Variants in PPP1R42 observed in about 807,000 individuals in gnomAD.
The protein encoded by PPP1R42 is leucine rich repeat containing 67.
A neutral mutation model predicts 31.0 loss-of-function variants in PPP1R42; 34 were observed. The ratio of observed to expected loss-of-function variants is 1.10; its 90% CI spans 0.83 to 1.46. PPP1R42 has a LOEUF of 1.46. Ranked by LOEUF, PPP1R42 falls within the 40% of genes most tolerant of loss-of-function variation. The pLI, the probability that PPP1R42 is intolerant of heterozygous loss-of-function variation, is 0.00. For missense variants in PPP1R42, 268 were observed against 303.0 expected, an observed-to-expected ratio of 0.88 and a Z score of 0.86; for synonymous variants, 103 against 109.8, an observed-to-expected ratio of 0.94 and a Z score of 0.39.
intron 5 of PPP1R42, among the ~76,000 whole-genome samples, chr8:66,992,525 CAG>C (rs1815217707): frequency 6.6e-6 from 1 of 152,330 alleles, no homozygotes; most frequent in African/African-American, 2.4e-5. Flanking sequence ...AGCACGTTTC[CAG>C]AGAGCGAGAG....
chr8:66,983,071 C>T (rs1035656409), intron 6 of PPP1R42, among the ~76,000 whole-genome samples: 11 of 151,702 alleles, frequency 7.3e-5, no homozygotes, highest in East Asian at 1.9e-4. Flanking sequence ...ATAGAAATTG[C>T]GCTTCATAAA....
chr8:66,981,938 A>C, intron 7 of PPP1R42, 111 bp downstream of exon 7: 1 of 1,149,622 alleles, frequency 8.7e-7, no homozygotes. Context: ...CCATAAAACA[A>C]CAACAACAAA....
chr8:67,002,202 C>CTA (rs1473405675), intron 5 of PPP1R42, among the ~76,000 whole-genome samples: 18 of 152,190 alleles, frequency 1.2e-4, no homozygotes, highest in African/African-American at 4.3e-4. Flanking sequence ...TTTAAGATGT[C>CTA]TATATATATT....
At chr8:66,983,827 C>T (rs73691163) in intron 6 of PPP1R42, among the ~76,000 whole-genome samples, 3,682 of 151,596 alleles carry the variant, frequency 0.024, 132 homozygotes, top group African/African-American at 0.083. Flanking sequence ...CTTTTTTTTT[C>T]ACTGAACTAG....
At chr8:66,984,679 G>T in intron 6 of PPP1R42, 1 of 1,523,348 alleles carries the variant, frequency 6.6e-7, no homozygotes, top group Non-Finnish European at 9.1e-7. Flanking sequence ...TTTTCAGGCA[G>T]AGTTGGCCTC....
chr8:66,983,467 A>T (rs942189952), intron 6 of PPP1R42, among the ~76,000 whole-genome samples: 7 of 151,896 alleles, frequency 4.6e-5, no homozygotes, highest in East Asian at 3.9e-4. Context: ...TTTCTTCAAA[A>T]TTTTTTTCTT....
chr8:67,005,762 T>C (rs1289680887), intron 5 of PPP1R42, among the ~76,000 whole-genome samples: 6 of 152,208 alleles, frequency 3.9e-5, no homozygotes, highest in African/African-American at 7.2e-5. Context: ...TCTTCTCTTA[T>C]TTAACTTCTG....
intron 5 of PPP1R42, among the ~76,000 whole-genome samples, chr8:67,002,649 CTT>C (rs1415476323): frequency 6.9e-6 from 1 of 145,616 alleles, no homozygotes; most frequent in African/African-American, 2.5e-5. Flanking sequence ...TTTGGGGCCA[CTT>C]TTTTTGTTGT....
chr8:67,013,243 G>A (rs1815897740), intron 3 of PPP1R42, 147 bp from the exon 4 acceptor site: 3 of 564,060 alleles, frequency 5.3e-6, no homozygotes, highest in Non-Finnish European at 8.6e-6. Context: ...ATGAAAGGTT[G>A]GTTTATCTAA....
At chr8:66,997,863 A>T (rs574285215) in intron 5 of PPP1R42, among the ~76,000 whole-genome samples, 1 of 152,142 alleles carries the variant, frequency 6.6e-6, no homozygotes, top group Non-Finnish European at 1.5e-5. Context: ...GGTTTTACCA[A>T]TTGGTTCTTT....
chr8:67,028,428 GT>G, intron 1 of PPP1R42, 62 bp downstream of exon 1: 1 of 949,604 alleles, frequency 1.1e-6, no homozygotes. Context: ...TGGCAGGCAA[GT>G]TTGAGAAACA....
intron 6 of PPP1R42, among the ~76,000 whole-genome samples, chr8:66,983,971 ACCAGG>A (rs1449668560): frequency 6.6e-6 from 1 of 152,188 alleles, no homozygotes; most frequent in Non-Finnish European, 1.5e-5. Context: ...AAAGGGCAAC[ACCAGG>A]CTGACTGGGG....
At chr8:67,014,355 C>T in intron 3 of PPP1R42, 71 bp downstream of exon 3, 5 of 890,558 alleles carry the variant, frequency 5.6e-6, no homozygotes, top group Non-Finnish European at 8.0e-6. Context: ...ATGGAAATGC[C>T]TTCATGCAAA....
At chr8:66,982,659 T>C (rs943008844) in intron 6 of PPP1R42, among the ~76,000 whole-genome samples, 2 of 152,204 alleles carry the variant, frequency 1.3e-5, no homozygotes, top group African/African-American at 4.8e-5. Context: ...GGTCTTGCCA[T>C]GTTGCCCAGG....
chr8:67,011,400 G>A (rs1260355357), intron 4 of PPP1R42, among the ~76,000 whole-genome samples: 25 of 152,284 alleles, frequency 1.6e-4, no homozygotes, highest in East Asian at 1.9e-4. Flanking sequence ...GGTGCCACAC[G>A]CCTGTAGTCC....
chr8:67,015,179 C>T (rs1000801055), intron 2 of PPP1R42, among the ~76,000 whole-genome samples: 6 of 151,996 alleles, frequency 3.9e-5, no homozygotes, highest in African/African-American at 9.7e-5. Context: ...CCACCATGCC[C>T]GGCTAATTTT....
chr8:67,024,784 T>C (rs1816343506), intron 1 of PPP1R42, among the ~76,000 whole-genome samples: 1 of 151,936 alleles, frequency 6.6e-6, no homozygotes, highest in Non-Finnish European at 1.5e-5. Context: ...GCCTAATTTT[T>C]GTATTTTTTG....
At chr8:67,027,851 A>ATC (rs1446757666) in intron 1 of PPP1R42, among the ~76,000 whole-genome samples, 1 of 151,144 alleles carries the variant, frequency 6.6e-6, no homozygotes, top group East Asian at 1.9e-4. Context: ...CTCTTACTAG[A>ATC]TCTCTCTCTC....
intron 5 of PPP1R42, among the ~76,000 whole-genome samples, chr8:67,008,867 G>A (rs1384483262): frequency 6.6e-6 from 1 of 152,232 alleles, no homozygotes; most frequent in Non-Finnish European, 1.5e-5. Context: ...ATGTCATGCA[G>A]AAAAACCTCC....
Sources: gnomAD v4.1 joint callset for allele counts (sites outside exome capture counted in the v4.1 genomes callset) on GRCh38, gnomAD v4.1.1 for gene constraint, MANE v1.5 for transcripts, NCBI Gene and HGNC (gene_info 2026-07-23, HGNC 2026-07-21) for gene names.